BICRA: variants seen among roughly 807,000 people sequenced by gnomAD.
BICRA encodes the protein BRD4 interacting chromatin remodeling complex associated protein, also known as BRD4-interacting chromatin-remodeling complex-associated protein.
In BICRA, 31 loss-of-function variants were observed where a neutral mutation model predicts 96.9. That is an observed-to-expected ratio of 0.32 (90% CI 0.24 to 0.43). The LOEUF (loss-of-function observed/expected upper bound fraction) is 0.43, where lower values mean the gene tolerates loss of function less well. Ranked by LOEUF, BICRA falls within the 20% of genes least tolerant of loss-of-function variation. The pLI is 1.00. For missense variants in BICRA, 2,283 were observed against 2,190.3 expected (o/e 1.04, Z -0.84); for synonymous variants, 1,350 against 1,071.8 (o/e 1.26, Z -5.07).
At chr19:47,651,924 G>A (rs947362704) in intron 1 of BICRA, among the ~76,000 whole-genome samples, 30 of 152,312 alleles carry the variant, frequency 2.0e-4, no homozygotes, top group Middle Eastern at 3.4e-3. Flanking sequence ...GCAAACCCAC[G>A]GCTTGCCCGG....
At chr19:47,638,165 CAA>C (rs1972328395) in intron 1 of BICRA, among the ~76,000 whole-genome samples, 1 of 152,122 alleles carries the variant, frequency 6.6e-6, no homozygotes, top group South Asian at 2.1e-4. Context: ...CAGCCTCAGC[CAA>C]GAGAGAGTGA....
intron 7 of BICRA, among the ~76,000 whole-genome samples, chr19:47,682,547 A>T (rs1973081691): frequency 6.6e-6 from 1 of 152,156 alleles, no homozygotes; most frequent in African/African-American, 2.4e-5. Flanking sequence ...TGTTATCTGG[A>T]TAGGGAAACA....
rs905796918 is a variant in BICRA, at chr19:47,627,397, G to C, written c.-108+18229G>C. Among the ~76,000 whole-genome samples, 4 of 152,242 alleles carry C rather than the reference G, an allele frequency of 2.6e-5. No individual in the cohort carries two copies. In the East Asian group the frequency reaches 7.7e-4, roughly 29 times the overall value. On this transcript the variant is annotated intron_variant, in intron 1 of 14. Coordinates refer to ENST00000594866, the MANE Select transcript of BICRA (RefSeq NM_001394372.1). The stretch of plus-strand genomic sequence containing the variant: ...CTACTTCCTCCTTGGAGGTTAAATA[G>C]ATGACATTCATAGGTCAACGGAAAT...
chr19:47,621,957 A>G (rs1972070770), intron 1 of BICRA, among the ~76,000 whole-genome samples: 1 of 150,958 alleles, frequency 6.6e-6, no homozygotes, highest in African/African-American at 2.4e-5. Context: ...ACCCCCAGCT[A>G]ATTTTTGTAC....
At chr19:47,672,929 T>A (rs1206659571) in intron 2 of BICRA, among the ~76,000 whole-genome samples, 1 of 152,046 alleles carries the variant, frequency 6.6e-6, no homozygotes, top group Non-Finnish European at 1.5e-5. Context: ...CCCTCTCCCT[T>A]GCTTCTGCCT....
At chr19:47,700,912 C>T in intron 14 of BICRA, 1 of 230,426 alleles carries the variant, frequency 4.3e-6, no homozygotes, top group Non-Finnish European at 8.4e-6. Context: ...CAGTGCTGTC[C>T]AATAGAACTT....
At chr19:47,627,232 A>T (rs188670080) in intron 1 of BICRA, among the ~76,000 whole-genome samples, 4 of 152,062 alleles carry the variant, frequency 2.6e-5, no homozygotes, top group Admixed American at 2.6e-4. Context: ...TCAGAGAGCA[A>T]TATGTTCCTG....
Position 47,698,821 on chromosome 19 carries a change from G to T in BICRA, c.3397+39G>T, listed in dbSNP as rs1316953134. ...AGGACACGGCCCTATATGTCCCAGG[G>T]GACCCCAGCCCGTGGGGCGGGGCGT... On this transcript the variant is annotated intron_variant, in intron 12 of 14. Transcript: ENST00000594866. The surrounding 1 kb of genome is among the most constrained non-coding windows in gnomAD (Gnocchi z 4.8). 6 of 1,538,944 alleles carry T rather than the reference G, an allele frequency of 3.9e-6. No individual in the cohort carries two copies. The highest frequency in any genetic ancestry group is 4.4e-6 in the Non-Finnish European group (5 of 1,130,388).
intron 1 of BICRA, among the ~76,000 whole-genome samples, chr19:47,666,765 A>T (rs1438448621): frequency 6.6e-6 from 1 of 151,410 alleles, no homozygotes; most frequent in Non-Finnish European, 1.5e-5. Flanking sequence ...TAGAGATGAG[A>T]TCTTGCTGTG....
intron 8 of BICRA, 72 bp downstream of exon 8, chr19:47,694,798 C>A: frequency 8.8e-7 from 1 of 1,134,538 alleles, no homozygotes; most frequent in Non-Finnish European, 1.3e-6. Context: ...ATGGGAGCCC[C>A]TCCGCCTTAC....
chr19:47,639,124 C>T (rs924593196), intron 1 of BICRA, among the ~76,000 whole-genome samples: 1 of 151,828 alleles, frequency 6.6e-6, no homozygotes, highest in East Asian at 1.9e-4. Flanking sequence ...CCATCTCAGC[C>T]TCCTGAGTAG....
rs1048172147 is a variant in BICRA at position 47,683,589 on chromosome 19, C to T, written c.2283+1437C>T. ...ATAACAGGTTAGGGAGGGCTACGTTCTTTTTTTTTTTTTGAGATGGAGTCT... is the reference window on the plus strand; with the variant it reads ...ATAACAGGTTAGGGAGGGCTACGTTTTTTTTTTTTTTTTGAGATGGAGTCT... On this transcript the variant is annotated intron_variant, in intron 7 of 14. Transcript: ENST00000594866. Among the ~76,000 whole-genome samples the T allele has an allele frequency of 2.2e-3, 315 of 144,646 alleles. 1 individual carries two copies. Among genetic ancestry groups the T allele is most frequent in the Admixed American group, 0.012 (178 of 14,408 alleles). The allele number at this position is 144,646 out of a possible 152,430, so 94.9% of individuals were successfully genotyped here.
chr19:47,623,163 T>C (rs774538042), intron 1 of BICRA, among the ~76,000 whole-genome samples: 15 of 152,202 alleles, frequency 9.9e-5, no homozygotes, highest in Non-Finnish European at 1.5e-4. Context: ...TTCCCTTTTA[T>C]TTTCATTCCC....
intron 1 of BICRA, among the ~76,000 whole-genome samples, chr19:47,626,634 C>T (rs1331770333): frequency 2.7e-5 from 4 of 147,472 alleles, no homozygotes; most frequent in Admixed American, 6.9e-5. Context: ...TCTTGAACTC[C>T]TGGGCTCAGG....
Position 47,701,083 on chromosome 19 carries a change from A to C in BICRA, c.3596-245A>C. Reference sequence around the variant, plus strand: ...CTGAGCCTTGTTTTGTATTCTCTTAATTTACTTATGTCTGAATGAGCCCCA... The same window carrying C: ...CTGAGCCTTGTTTTGTATTCTCTTACTTTACTTATGTCTGAATGAGCCCCA... On this transcript the variant is annotated intron_variant, in intron 14 of 14. Transcript: ENST00000594866. This position sits in a 1 kb window ranked among gnomAD's most constrained non-coding sequence, Gnocchi z 5.4. 1.8e-6 allele frequency: 1 copy of C among 542,700 alleles called. No homozygotes were observed. The highest frequency in any genetic ancestry group is 2.4e-5 in the South Asian group (1 of 41,276). The allele number at this position is 542,700 out of a possible 1,614,324, so 33.6% of individuals were successfully genotyped here.
chr19:47,680,550 C>T lies in BICRA; in HGVS notation c.1380C>T (p.Ile460=), dbSNP rs1310394361. ...HLLNQGSSIV[I]PAQHMLPGQN... ...TGAACCAAGGCAGCAGCATCGTCAT[C>T]CCCGCCCAGCACATGCTGCCGGGCC... The change falls in exon 6 of 15, where the codon ATC becomes ATT. Residue 460 remains isoleucine, a synonymous_variant. Coordinates refer to ENST00000594866, the MANE Select transcript of BICRA (RefSeq NM_001394372.1). The T allele has an allele frequency of 5.1e-6, 8 of 1,582,104 alleles. No individual in the cohort carries two copies. The highest frequency in any genetic ancestry group is 6.9e-6 in the Non-Finnish European group (8 of 1,165,520).
At chr19:47,648,767 C>T (rs1002590892) in intron 1 of BICRA, among the ~76,000 whole-genome samples, 4 of 151,590 alleles carry the variant, frequency 2.6e-5, no homozygotes, top group African/African-American at 9.7e-5. Context: ...CAGCCTCTGC[C>T]TCCTGAGTTC....
Position 47,695,443 on chromosome 19 carries a change from C to G in BICRA, c.3155C>G (p.Ser1052Cys). 6.3e-7 allele frequency: 1 copy of G among 1,593,526 alleles called. No individual in the cohort carries two copies. The highest frequency in any genetic ancestry group is 8.6e-7 in the Non-Finnish European group (1 of 1,168,820). Reference protein sequence around the residue: ...LPTLNVAKAASSGPGKPSGLQ... With the variant: ...LPTLNVAKAACSGPGKPSGLQ... The stretch of plus-strand genomic sequence containing the variant: ...ACCCTGAATGTGGCCAAGGCCGCTT[C>G]CTCCGGGCCAGGGAAGCCCTCCGGG... Residue 1052 changes from serine (S) to cysteine (C), a missense_variant, in exon 10 of 15, where the codon TCC becomes TGC. Coordinates refer to ENST00000594866, the MANE Select transcript of BICRA (RefSeq NM_001394372.1).
chr19:47,696,749 G>A (rs1479331603), intron 11 of BICRA, among the ~76,000 whole-genome samples: 7 of 152,224 alleles, frequency 4.6e-5, no homozygotes, highest in African/African-American at 1.7e-4. Flanking sequence ...GCTCAGGAGG[G>A]CGGCAGTTTG....
Sources: allele counts gnomAD v4.1 joint callset (sites outside exome capture counted in the v4.1 genomes callset), GRCh38; gene constraint gnomAD v4.1.1; non-coding constraint Gnocchi (gnomAD v3.1); transcripts MANE v1.5; gene names NCBI Gene and HGNC (gene_info 2026-07-23, HGNC 2026-07-21).